Variants in ILDR1 observed in about 807,000 individuals in gnomAD.
The protein encoded by ILDR1 is immunoglobulin-like domain-containing receptor 1.
In ILDR1, 56 loss-of-function variants were observed where a neutral mutation model predicts 62.4. The observed-to-expected ratio is 0.90, with a 90% CI of 0.72 to 1.12. The LOEUF is 1.12. Ranked by LOEUF, ILDR1 falls within the 50% of genes most tolerant of loss-of-function variation. ILDR1 has a pLI of 0.00. For synonymous variants in ILDR1, 284 were observed against 277.8 expected (o/e 1.02, Z -0.22); for missense variants, 736 against 710.6 (o/e 1.04, Z -0.41).
upstream of ILDR1, among the ~76,000 whole-genome samples, chr3:122,024,538 C>T (rs571519363): frequency 2.0e-5 from 3 of 152,308 alleles, no homozygotes; most frequent in Admixed American, 6.5e-5. Context: ...GAAGTGAACA[C>T]TTAGATGACT....
chr3:122,034,072 T>C, the ILDR1 span, among the ~76,000 whole-genome samples: 1 of 152,216 alleles, frequency 6.6e-6, no homozygotes, highest in Non-Finnish European at 1.5e-5. Flanking sequence ...TTGGGAAGAA[T>C]TGGAATTTTT....
chr3:122,046,649 C>G, the ILDR1 span, among the ~76,000 whole-genome samples: 1 of 150,906 alleles, frequency 6.6e-6, no homozygotes, highest in African/African-American at 2.5e-5. Context: ...AACTTTCCTT[C>G]TCGCTTCATT....
chr3:121,998,786 T>G (rs114919021), intron 5 of ILDR1, among the ~76,000 whole-genome samples: 354 of 152,256 alleles, frequency 2.3e-3, no homozygotes, highest in Non-Finnish European at 4.2e-3. Flanking sequence ...CACAGTCCAA[T>G]GCTGCATCCT....
Position 122,001,712 on chromosome 3 carries a change from G to A in ILDR1, c.499+33C>T, listed in dbSNP as rs200734892. On this transcript the variant is annotated intron_variant, in intron 4 of 7. Coordinates refer to ENST00000344209, the MANE Select transcript of ILDR1 (RefSeq NM_001199799.2). ...TGAGTAAAAGTGTTACGGCAGTGAG[G>A]GTGACTGAATAGAAAGCTCCAGTAG... 30 of 1,612,532 alleles carry A rather than the reference G, an allele frequency of 1.9e-5. No homozygotes were observed. In the African/African-American group the frequency reaches 3.6e-4, roughly 19 times the overall value.
the ILDR1 span, among the ~76,000 whole-genome samples, chr3:122,049,907 G>T: frequency 1.3e-5 from 2 of 152,148 alleles, no homozygotes; most frequent in African/African-American, 4.8e-5. Context: ...ACCATGTGAG[G>T]TTACAGCAAG....
chr3:122,042,378 C>A, the ILDR1 span, among the ~76,000 whole-genome samples: 1,018 of 64,890 alleles, frequency 0.016, 16 homozygotes, highest in Middle Eastern at 0.03. Context: ...AATAAACATA[C>A]GTGTGCATGT....
At chr3:122,044,861 A>T in the ILDR1 span, among the ~76,000 whole-genome samples, 2 of 151,738 alleles carry the variant, frequency 1.3e-5, no homozygotes, top group Admixed American at 1.3e-4. Flanking sequence ...ATCCTTTCAA[A>T]AAACCAGCTC....
the ILDR1 span, among the ~76,000 whole-genome samples, chr3:122,056,112 C>T: frequency 2.8e-4 from 43 of 152,218 alleles, no homozygotes; most frequent in African/African-American, 1.0e-3. Flanking sequence ...TTCACAATGA[C>T]TTTTGGAAAG....
In ILDR1 at chr3:121,993,303, T is replaced by C. The variant is rs777035964; in HGVS notation, c.1446A>G (p.Glu482=). Residue 482 remains glutamate (E), a synonymous_variant, in exon 7 of 8, where the codon GAA becomes GAG. Transcript: ENST00000344209. ...LPSGLSSWSS[E]EDKERQPQSW... ...TCTGGGGCTGCCTCTCCTTGTCCTC[T>C]TCAGAGCTCCAGGAACTGAGGCCGG... 7 of 1,612,826 alleles carry C rather than the reference T, an allele frequency of 4.3e-6. No individual in the cohort carries two copies. The African/African-American group carries it at 5.3e-5, about 12-fold the overall frequency.
chr3:122,026,090 G>C (rs1039330778), upstream of ILDR1, among the ~76,000 whole-genome samples: 3 of 152,188 alleles, frequency 2.0e-5, no homozygotes, highest in Non-Finnish European at 4.4e-5. Flanking sequence ...TGCTAGGCTG[G>C]TGTGTTAGAG....
chr3:122,047,557 G>T, the ILDR1 span, among the ~76,000 whole-genome samples: 1 of 152,198 alleles, frequency 6.6e-6, no homozygotes, highest in African/African-American at 2.4e-5. Context: ...TGTGCTAGCA[G>T]TCAGCGAGAT....
chr3:122,055,050 T>C, the ILDR1 span, among the ~76,000 whole-genome samples: 1 of 152,276 alleles, frequency 6.6e-6, no homozygotes, highest in East Asian at 1.9e-4. Context: ...CACTTTTTAT[T>C]ATCTTATCAA....
chr3:122,050,555 C>CA, the ILDR1 span, among the ~76,000 whole-genome samples: 6 of 146,988 alleles, frequency 4.1e-5, 1 homozygote, highest in South Asian at 2.3e-4. Flanking sequence ...TCCCCCCCCC[C>CA]ACAGTTATGG....
At chr3:121,999,826 TG>T (rs2071490888) in intron 5 of ILDR1, among the ~76,000 whole-genome samples, 1 of 152,180 alleles carries the variant, frequency 6.6e-6, no homozygotes, top group South Asian at 2.1e-4. Context: ...AGACTCCACG[TG>T]GATAATGTCA....
Position 122,022,072 on chromosome 3 carries a change from T to C in ILDR1, c.6A>G (p.Ala2=), listed in dbSNP as rs1016202086. 6.2e-7 allele frequency: 1 copy of C among 1,608,488 alleles called. No homozygotes were observed. Among genetic ancestry groups the C allele is most frequent in the African/African-American group, 1.3e-5 (1 of 74,994 alleles). Reference sequence around the variant, plus strand: ...GCCAAGGTGCGGGCAGTTTGGGCCATGCCATGCCGCCCCCTTTCTGGCCCT... The same window carrying C: ...GCCAAGGTGCGGGCAGTTTGGGCCACGCCATGCCGCCCCCTTTCTGGCCCT... M[A]WPKLPAPWLL... The change falls in exon 1 of 8, where the codon GCA becomes GCG. Residue 2 remains alanine (A), a synonymous_variant. Transcript: ENST00000344209.
chr3:122,026,877 A>T (rs551714838), upstream of ILDR1, among the ~76,000 whole-genome samples: 2 of 152,342 alleles, frequency 1.3e-5, no homozygotes, highest in South Asian at 4.1e-4. Context: ...TAAAAATATT[A>T]TTGATAATAT....
At chr3:121,988,771 G>A (rs1342195885) in intron 7 of ILDR1, among the ~76,000 whole-genome samples, 1 of 152,324 alleles carries the variant, frequency 6.6e-6, no homozygotes, top group East Asian at 1.9e-4. Flanking sequence ...CATTCATGAA[G>A]ACATTGCTCA....
upstream of ILDR1, among the ~76,000 whole-genome samples, chr3:122,023,977 A>G (rs1341815058): frequency 2.0e-5 from 3 of 152,068 alleles, 1 homozygote; most frequent in Non-Finnish European, 4.4e-5. Context: ...GCTCAATTCC[A>G]GTCTAAAAAG....
At chr3:121,989,200 T>C (rs1001494104) in intron 7 of ILDR1, among the ~76,000 whole-genome samples, 4 of 152,176 alleles carry the variant, frequency 2.6e-5, no homozygotes. Context: ...TTCCAATTTA[T>C]CAGGAAAGTG....
Sources: allele counts gnomAD v4.1 joint callset (sites outside exome capture counted in the v4.1 genomes callset), GRCh38; gene constraint gnomAD v4.1.1; transcripts MANE v1.5; gene names NCBI Gene and HGNC (gene_info 2026-07-23, HGNC 2026-07-21).